The following KAT6A variants were observed in gnomAD, a reference collection of about 807,000 sequenced individuals.
The protein encoded by KAT6A is lysine acetyltransferase 6A.
In KAT6A, 9 loss-of-function variants were observed where a neutral mutation model predicts 198.4. The ratio of observed to expected loss-of-function variants is 0.05; its 90% CI spans 0.03 to 0.08. The LOEUF (loss-of-function observed/expected upper bound fraction) is 0.08. Ranked by LOEUF, KAT6A falls within the 10% of genes least tolerant of loss-of-function variation. The pLI, the probability that KAT6A is intolerant of heterozygous loss-of-function variation, is 1.00. For missense variants in KAT6A, 2,077 were observed against 2,509.9 expected (o/e 0.83, Z 3.69); for synonymous variants, 890 against 883.0 (o/e 1.01, Z -0.14).
intron 5 of KAT6A, 30 bp downstream of exon 5, chr8:41,980,816 C>T (rs756853652): frequency 1.4e-6 from 2 of 1,462,882 alleles, no homozygotes; most frequent in South Asian, 2.3e-5. Flanking sequence ...CCTTTATATT[C>T]CCAGTTTTAT....
At chr8:42,009,915 C>CAAAAAAA (rs1216387598) in intron 2 of KAT6A, among the ~76,000 whole-genome samples, 2 of 110,294 alleles carry the variant, frequency 1.8e-5, no homozygotes, top group Non-Finnish European at 3.6e-5. Flanking sequence ...AAAAAAAAAA[C>CAAAAAAA]AAAAAAAAAC....
chr8:41,990,143 A>G (rs1395333627), intron 2 of KAT6A, among the ~76,000 whole-genome samples: 1 of 152,182 alleles, frequency 6.6e-6, no homozygotes, highest in Non-Finnish European at 1.5e-5. Flanking sequence ...CCTCTAAGGT[A>G]CAACTGGGAG....
intron 2 of KAT6A, among the ~76,000 whole-genome samples, chr8:42,022,065 G>C (rs140852179): frequency 6.6e-6 from 1 of 151,878 alleles, no homozygotes; most frequent in Non-Finnish European, 1.5e-5. Context: ...AATATACTAC[G>C]GCAAATCGTT....
At chr8:42,030,874 C>T (rs898194724) in intron 2 of KAT6A, among the ~76,000 whole-genome samples, 9 of 151,852 alleles carry the variant, frequency 5.9e-5, no homozygotes, top group African/African-American at 9.7e-5. Flanking sequence ...CACTGTGCTC[C>T]GCCTCTCCGT....
chr8:42,039,215 CCT>C lies in KAT6A; in HGVS notation c.600+9161_600+9162del, dbSNP rs964215957. Reference sequence around the variant, plus strand: ...AGATCCTTTGTGAAATGACTCCACCCCTGAGTAGCCAAGTGGTAAATAACTTT... The same window carrying C: ...AGATCCTTTGTGAAATGACTCCACCCGAGTAGCCAAGTGGTAAATAACTTT... On this transcript the variant is annotated intron_variant, in intron 2 of 16. Coordinates refer to ENST00000265713, the MANE Select transcript of KAT6A (RefSeq NM_006766.5). Among the ~76,000 whole-genome samples the C allele has an allele frequency of 5.2e-4, 79 of 152,294 alleles. 1 individual carries two copies. The highest frequency in any genetic ancestry group is 1.8e-3 in the African/African-American group (76 of 41,570).
chr8:42,031,258 T>C (rs1827108804), intron 2 of KAT6A, among the ~76,000 whole-genome samples: 1 of 152,218 alleles, frequency 6.6e-6, no homozygotes, highest in African/African-American at 2.4e-5. Context: ...TTCAGAAAAG[T>C]GTTTTTAACT....
intron 2 of KAT6A, among the ~76,000 whole-genome samples, chr8:42,028,017 C>T (rs774106581): frequency 6.6e-5 from 10 of 152,072 alleles, no homozygotes; most frequent in African/African-American, 9.6e-5. Flanking sequence ...AGTGATTGTT[C>T]GGGAGCATGC....
At chr8:41,995,826 C>T (rs1241644046) in intron 2 of KAT6A, among the ~76,000 whole-genome samples, 1 of 152,140 alleles carries the variant, frequency 6.6e-6, no homozygotes, top group East Asian at 1.9e-4. Flanking sequence ...CAGGCATGTG[C>T]CACCACACCC....
intron 2 of KAT6A, among the ~76,000 whole-genome samples, chr8:42,044,933 T>C (rs1173608237): frequency 6.6e-6 from 1 of 152,194 alleles, no homozygotes; most frequent in East Asian, 1.9e-4. Context: ...AAACTATCAA[T>C]TCTGCATAGC....
At chr8:41,935,186 T>C (rs1368689850) in intron 16 of KAT6A, among the ~76,000 whole-genome samples, 1 of 152,224 alleles carries the variant, frequency 6.6e-6, no homozygotes, top group African/African-American at 2.4e-5. Flanking sequence ...AGTTTCATCA[T>C]CTGTAAAATG....
chr8:41,992,782 T>C (rs2150897093), intron 2 of KAT6A, among the ~76,000 whole-genome samples: 1 of 152,264 alleles, frequency 6.6e-6, no homozygotes, highest in South Asian at 2.1e-4. Flanking sequence ...TCAAACTAAA[T>C]TACCAAAATT....
intron 2 of KAT6A, among the ~76,000 whole-genome samples, chr8:41,996,824 G>T (rs979893052): frequency 3.3e-5 from 5 of 152,112 alleles, no homozygotes; most frequent in African/African-American, 1.2e-4. Flanking sequence ...GTAGCATTCT[G>T]TTACAACAGC....
intron 8 of KAT6A, among the ~76,000 whole-genome samples, chr8:41,964,722 C>T (rs1319657220): frequency 2.6e-5 from 4 of 151,340 alleles, no homozygotes; most frequent in Non-Finnish European, 5.9e-5. Flanking sequence ...ATGTTTTTTC[C>T]TATTCATCCA....
At chr8:42,039,903 T>A (rs1587857807) in intron 2 of KAT6A, among the ~76,000 whole-genome samples, 1 of 48,990 alleles carries the variant, frequency 2.0e-5, no homozygotes, top group Admixed American at 1.6e-4. Context: ...CTGGCTAATA[T>A]TTTTTTTTTT....
rs35595569 is a variant in KAT6A at position 42,031,038 on chromosome 8, A to AAAG, written c.600+17339_600+17340insCTT. Among the ~76,000 whole-genome samples, 172 of 113,380 alleles carry AAAG rather than the reference A, an allele frequency of 1.5e-3. 6 individuals carry two copies. The highest frequency in any genetic ancestry group is 9.1e-3 in the Middle Eastern group (2 of 220). 74.4% of individuals were successfully genotyped at this position (113,380 alleles called of 152,430 possible). On this transcript the variant is annotated intron_variant, in intron 2 of 16. Coordinates refer to ENST00000265713, the MANE Select transcript of KAT6A (RefSeq NM_006766.5). Reference sequence around the variant, plus strand: ...ATGCTGCCAAATGCAAAAAAAAAAAAGGGGGGGGGGACAGGAGAAATGTAT... The same window carrying AAAG: ...ATGCTGCCAAATGCAAAAAAAAAAAAAAGGGGGGGGGGGACAGGAGAAATGTAT...
rs770660492 is a variant in KAT6A at position 42,048,453 on chromosome 8, G to A, written c.525C>T (p.Asn175=). The change falls in exon 2 of 17, where the codon AAC becomes AAT. Residue 175 remains asparagine, a synonymous_variant. Coordinates refer to ENST00000265713, the MANE Select transcript of KAT6A (RefSeq NM_006766.5). ...PLYRLNTKAT[N]VDGKESCESL... ...ACTCACAACTCTCTTTCCCATCCAC[G>A]TTGGTTGCTTTAGTGTTGAGCCGAT... The A allele has an allele frequency of 9.4e-5, 151 of 1,613,936 alleles. 1 individual carries two copies. The highest frequency in any genetic ancestry group is 1.2e-4 in the Non-Finnish European group (142 of 1,179,944).
At chr8:41,937,927 G>C (rs150291819) in intron 15 of KAT6A, among the ~76,000 whole-genome samples, 114 of 152,272 alleles carry the variant, frequency 7.5e-4, no homozygotes, top group African/African-American at 2.5e-3. Context: ...AAGAGCAAAA[G>C]AGAAATAAAA....
At chr8:41,974,453 A>G in intron 8 of KAT6A, 1 of 304,090 alleles carries the variant, frequency 3.3e-6, no homozygotes, top group Admixed American at 5.0e-5. Context: ...TTCTTCATAC[A>G]GTAAGACAAA....
At chr8:42,036,825 G>A (rs1184052468) in intron 2 of KAT6A, among the ~76,000 whole-genome samples, 1 of 152,182 alleles carries the variant, frequency 6.6e-6, no homozygotes, top group Admixed American at 6.5e-5. Flanking sequence ...AGAAAGAAAG[G>A]TGGAAGATTA....
Sources: gnomAD v4.1 joint callset for allele counts (sites outside exome capture counted in the v4.1 genomes callset) on GRCh38, gnomAD v4.1.1 for gene constraint, MANE v1.5 for transcripts, NCBI Gene and HGNC (gene_info 2026-07-23, HGNC 2026-07-21) for gene names.